Variants in PTPRD observed in about 807,000 individuals in gnomAD.
The protein encoded by PTPRD is receptor-type tyrosine-protein phosphatase delta.
In PTPRD, 34 loss-of-function variants were observed where a neutral mutation model predicts 214.5. The observed-to-expected ratio is 0.16, with a 90% CI of 0.12 to 0.21. The LOEUF is 0.21. PTPRD is among the 10% of genes least tolerant of loss of function. The probability of loss-of-function intolerance (pLI) is 1.00; values close to 1 mark genes in which losing one functional copy is unlikely to be tolerated. For synonymous variants in PTPRD, 1,128 were observed against 845.7 expected, an observed-to-expected ratio of 1.33 and a Z score of -5.79; for missense variants, 2,545 against 2,398.7, an observed-to-expected ratio of 1.06 and a Z score of -1.27.
chr9:9,392,961 T>A (rs919210341), intron 9 of PTPRD, among the ~76,000 whole-genome samples: 14 of 152,112 alleles, frequency 9.2e-5, no homozygotes, highest in African/African-American at 3.4e-4. Flanking sequence ...GGTGGAGCCA[T>A]GGAAATTCCT....
At chr9:8,414,510 G>T (rs1455434102) in intron 35 of PTPRD, among the ~76,000 whole-genome samples, 2 of 152,068 alleles carry the variant, frequency 1.3e-5, no homozygotes, top group Non-Finnish European at 2.9e-5. Context: ...TGTTTGAACA[G>T]TTGTGCTCCC....
At chr9:8,469,430 C>G (rs928708491) in intron 31 of PTPRD, among the ~76,000 whole-genome samples, 1 of 151,928 alleles carries the variant, frequency 6.6e-6, no homozygotes, top group African/African-American at 2.4e-5. Context: ...TACAAGTTGC[C>G]TTTGCATTTT....
chr9:9,518,965 T>A (rs1044371296), intron 8 of PTPRD, among the ~76,000 whole-genome samples: 5 of 152,040 alleles, frequency 3.3e-5, no homozygotes, highest in African/African-American at 1.2e-4. Context: ...GTTCTTTCTG[T>A]ATGTGGACCA....
At chr9:8,831,862 C>A (rs538795542) in intron 11 of PTPRD, among the ~76,000 whole-genome samples, 1 of 152,106 alleles carries the variant, frequency 6.6e-6, no homozygotes, top group Non-Finnish European at 1.5e-5. Flanking sequence ...AAAACTGCTT[C>A]CAAATCACAA....
chr9:10,099,148 T>C (rs2098525849), intron 3 of PTPRD, among the ~76,000 whole-genome samples: 1 of 151,782 alleles, frequency 6.6e-6, no homozygotes. Flanking sequence ...ATGGTTTTAA[T>C]TTCAAGATTA....
chr9:9,012,388 C>A (rs968659147), intron 11 of PTPRD, among the ~76,000 whole-genome samples: 1 of 152,138 alleles, frequency 6.6e-6, no homozygotes, highest in Non-Finnish European at 1.5e-5. Context: ...CACTAACAAA[C>A]CTGCCCAATA....
chr9:9,181,875 A>T (rs1281949103), intron 10 of PTPRD, among the ~76,000 whole-genome samples: 1 of 152,080 alleles, frequency 6.6e-6, no homozygotes, highest in African/African-American at 2.4e-5. Flanking sequence ...TACAGAAATA[A>T]GTACTTTGGA....
intron 7 of PTPRD, among the ~76,000 whole-genome samples, chr9:9,708,552 G>A (rs761005942): frequency 2.0e-5 from 3 of 151,998 alleles, no homozygotes; most frequent in Non-Finnish European, 4.4e-5. Context: ...GTCATTGAGT[G>A]TGAATTTTAC....
At chr9:8,797,516 C>G (rs957549909) in intron 11 of PTPRD, among the ~76,000 whole-genome samples, 23 of 152,170 alleles carry the variant, frequency 1.5e-4, no homozygotes. Context: ...CACCATCACA[C>G]ACTATGAAGA....
chr9:9,563,899 G>A (rs961275825), intron 8 of PTPRD, among the ~76,000 whole-genome samples: 2 of 152,138 alleles, frequency 1.3e-5, no homozygotes, highest in African/African-American at 4.8e-5. Flanking sequence ...TTGATATCCT[G>A]GCTTTCTTCT....
intron 12 of PTPRD, among the ~76,000 whole-genome samples, chr9:8,642,163 T>C (rs1442155841): frequency 6.8e-6 from 1 of 147,504 alleles, no homozygotes; most frequent in Non-Finnish European, 1.5e-5. Context: ...GCCAACTGAC[T>C]TAAAACAGAT....
At chr9:8,950,474 GAA>G (rs538668550) in intron 11 of PTPRD, among the ~76,000 whole-genome samples, 3 of 124,790 alleles carry the variant, frequency 2.4e-5, no homozygotes, top group African/African-American at 5.7e-5. Flanking sequence ...GTCACCTTCT[GAA>G]AAAAAAAAAA....
At chr9:8,540,546 T>C (rs1392700145) in intron 14 of PTPRD, among the ~76,000 whole-genome samples, 1 of 152,186 alleles carries the variant, frequency 6.6e-6, no homozygotes, top group Non-Finnish European at 1.5e-5. Flanking sequence ...TTATTATTTT[T>C]ATTTAGAGAA....
chr9:8,691,966 G>C (rs2097815139), intron 12 of PTPRD, among the ~76,000 whole-genome samples: 1 of 151,748 alleles, frequency 6.6e-6, no homozygotes, highest in Non-Finnish European at 1.5e-5. Flanking sequence ...TCATTCTATT[G>C]CATACTCACT....
chr9:10,272,233 C>A (rs10958992), intron 3 of PTPRD, among the ~76,000 whole-genome samples: 12,689 of 152,212 alleles, frequency 0.083, 622 homozygotes, highest in Non-Finnish European at 0.11. Flanking sequence ...TGGCTTCTTT[C>A]GCTTAACATA....
At chr9:9,276,439 C>A (rs370830525) in intron 9 of PTPRD, among the ~76,000 whole-genome samples, 34 of 151,210 alleles carry the variant, frequency 2.2e-4, no homozygotes, top group African/African-American at 7.3e-4. Flanking sequence ...TGGTAATGGG[C>A]AAGGTGGTTT....
In PTPRD at chr9:8,932,731, C is replaced by G. The variant is rs1443555370; in HGVS notation, c.-104+85966G>C. Among the ~76,000 whole-genome samples the G allele has an allele frequency of 2.0e-5, 3 of 152,120 alleles. No individual in the cohort carries two copies. The East Asian group carries it at 5.8e-4, about 29-fold the overall frequency. On this transcript the variant is annotated intron_variant, in intron 11 of 45. Transcript: ENST00000381196. ...GTGGACCCCCCCTCCCCACTAAGCT[C>G]GAGCATCCCAGGTTGACTTCAGACT...
intron 11 of PTPRD, among the ~76,000 whole-genome samples, chr9:8,967,499 A>G (rs1287104688): frequency 1.3e-5 from 2 of 152,104 alleles, no homozygotes; most frequent in African/African-American, 4.8e-5. Context: ...CCATAAAAAA[A>G]TAAAAACCAT....
chr9:8,372,536 T>G (rs1180438484), intron 39 of PTPRD, among the ~76,000 whole-genome samples: 1 of 152,034 alleles, frequency 6.6e-6, no homozygotes, highest in Non-Finnish European at 1.5e-5. Context: ...AGCTGACATT[T>G]TACTTAGGCA....
Sources: gnomAD v4.1 joint callset for allele counts (sites outside exome capture counted in the v4.1 genomes callset) on GRCh38, gnomAD v4.1.1 for gene constraint, MANE v1.5 for transcripts, NCBI Gene and HGNC (gene_info 2026-07-23, HGNC 2026-07-21) for gene names.